Variants in TENM3 observed in about 807,000 individuals in gnomAD.
TENM3 encodes teneurin transmembrane protein 3, also known as teneurin-3.
TENM3 carries 63 observed loss-of-function variants against 255.1 expected under a neutral mutation model. The observed-to-expected ratio is 0.25, with a 90% CI of 0.20 to 0.30. TENM3 has a LOEUF of 0.30. TENM3 is among the 10% of genes least tolerant of loss of function. TENM3 has a pLI of 1.00. For missense variants in TENM3, 2,929 were observed against 3,461.1 expected, an observed-to-expected ratio of 0.85 and a Z score of 3.86; for synonymous variants, 1,306 against 1,322.3, an observed-to-expected ratio of 0.99 and a Z score of 0.27.
chr4:181,742,535 G>A, the TENM3 span, among the ~76,000 whole-genome samples: 2 of 151,950 alleles, frequency 1.3e-5, no homozygotes, highest in Non-Finnish European at 2.9e-5. Context: ...ATATTCTTGT[G>A]GGAAAAAACG....
At chr4:182,652,302 G>A (rs1465142943) in intron 5 of TENM3, among the ~76,000 whole-genome samples, 1 of 152,156 alleles carries the variant, frequency 6.6e-6, no homozygotes, top group African/African-American at 2.4e-5. Flanking sequence ...GTATTTTCCT[G>A]TCAGGGAGAA....
At chr4:181,510,588 A>T in the TENM3 span, among the ~76,000 whole-genome samples, 2 of 152,344 alleles carry the variant, frequency 1.3e-5, no homozygotes, top group South Asian at 4.1e-4. Flanking sequence ...AAAGTGTAAC[A>T]AAAAGGAAAC....
intron 12 of TENM3, among the ~76,000 whole-genome samples, chr4:182,703,164 A>G (rs1360212227): frequency 6.6e-6 from 1 of 152,222 alleles, no homozygotes; most frequent in Non-Finnish European, 1.5e-5. Flanking sequence ...AAATTAATGT[A>G]TATGTCCCTG....
the TENM3 span, among the ~76,000 whole-genome samples, chr4:181,572,450 A>C: frequency 6.6e-6 from 1 of 152,218 alleles, no homozygotes; most frequent in Non-Finnish European, 1.5e-5. Flanking sequence ...TCAAATGTTT[A>C]AGTTTCCATG....
the TENM3 span, among the ~76,000 whole-genome samples, chr4:181,467,138 TTTTTTTTTTTA>T: frequency 2.4e-4 from 26 of 107,410 alleles, 1 homozygote; most frequent in South Asian, 3.0e-4. Flanking sequence ...TTTTTTTTTT[TTTTTTTTTTTA>T]GGCAGAGTCT....
the TENM3 span, among the ~76,000 whole-genome samples, chr4:181,839,051 G>T: frequency 6.6e-6 from 1 of 151,406 alleles, no homozygotes; most frequent in African/African-American, 2.4e-5. Flanking sequence ...GGGTAAATCG[G>T]TAATGAAATT....
At chr4:181,850,133 T>A in the TENM3 span, among the ~76,000 whole-genome samples, 1 of 151,952 alleles carries the variant, frequency 6.6e-6, no homozygotes, top group Non-Finnish European at 1.5e-5. Context: ...CATTCACTCA[T>A]TATTTCTTCC....
the TENM3 span, among the ~76,000 whole-genome samples, chr4:182,035,062 T>TGGGG: frequency 1.3e-5 from 2 of 152,198 alleles, no homozygotes; most frequent in African/African-American, 4.8e-5. Context: ...TCATGGTTCT[T>TGGGG]GGGGGTTTTG....
the TENM3 span, among the ~76,000 whole-genome samples, chr4:181,995,661 T>A: frequency 6.6e-6 from 1 of 152,162 alleles, no homozygotes; most frequent in African/African-American, 2.4e-5. Context: ...GGCGCCCATA[T>A]ATGTGTGTGT....
chr4:182,493,105 T>C (rs1406016942), intron 3 of TENM3, among the ~76,000 whole-genome samples: 1 of 152,146 alleles, frequency 6.6e-6, no homozygotes, highest in African/African-American at 2.4e-5. Flanking sequence ...CTAGAAAATT[T>C]AGTGAGTTGA....
intron 3 of TENM3, among the ~76,000 whole-genome samples, chr4:182,484,944 C>T (rs546292889): frequency 7.9e-5 from 12 of 152,130 alleles, no homozygotes; most frequent in African/African-American, 2.9e-4. Flanking sequence ...TGTTTTAAGC[C>T]ATGTTAGACA....
chr4:182,623,266 G>C (rs28635560), intron 4 of TENM3, among the ~76,000 whole-genome samples: 24,792 of 151,538 alleles, frequency 0.16, 2,164 homozygotes, highest in African/African-American at 0.19. Context: ...ACCTGTCCCC[G>C]CCTCCCTAAG....
the TENM3 span, among the ~76,000 whole-genome samples, chr4:181,750,080 G>A: frequency 2.0e-5 from 3 of 152,154 alleles, no homozygotes; most frequent in Non-Finnish European, 4.4e-5. Context: ...TGGTCCATGC[G>A]GAAAGCAGAG....
intron 1 of TENM3, among the ~76,000 whole-genome samples, chr4:182,208,146 A>T (rs1754711767): frequency 6.6e-6 from 1 of 152,176 alleles, no homozygotes; most frequent in Admixed American, 6.5e-5. Flanking sequence ...CTAGCAGGAG[A>T]CTTTGTACTT....
chr4:182,439,512 A>C (rs183403028), intron 3 of TENM3, among the ~76,000 whole-genome samples: 1 of 152,378 alleles, frequency 6.6e-6, no homozygotes, highest in African/African-American at 2.4e-5. Context: ...ACGATTAAAC[A>C]AGGCATTTCA....
the TENM3 span, among the ~76,000 whole-genome samples, chr4:181,659,157 T>C: frequency 6.6e-6 from 1 of 152,216 alleles, no homozygotes; most frequent in Admixed American, 6.5e-5. Flanking sequence ...GTAATATCAA[T>C]TATTGCAAAA....
the TENM3 span, among the ~76,000 whole-genome samples, chr4:181,525,533 G>A: frequency 2.6e-5 from 4 of 152,008 alleles, no homozygotes; most frequent in Admixed American, 2.6e-4. Flanking sequence ...GGGTTCACTC[G>A]GTAGACCTCA....
chr4:182,457,122 T>C (rs968360940), intron 3 of TENM3, among the ~76,000 whole-genome samples: 8 of 150,948 alleles, frequency 5.3e-5, no homozygotes, highest in Admixed American at 3.3e-4. Flanking sequence ...GAGGCGGAGG[T>C]TGCAGTGAGC....
At chr4:181,855,253 C>T in the TENM3 span, among the ~76,000 whole-genome samples, 1 of 152,140 alleles carries the variant, frequency 6.6e-6, no homozygotes, top group African/African-American at 2.4e-5. Context: ...GTAGTAGTAA[C>T]ATTACTCCTT....
Sources: allele counts gnomAD v4.1 joint callset (sites outside exome capture counted in the v4.1 genomes callset), GRCh38; gene constraint gnomAD v4.1.1; transcripts MANE v1.5; gene names NCBI Gene and HGNC (gene_info 2026-07-23, HGNC 2026-07-21).